Variants in PSMA1 observed in about 807,000 individuals in gnomAD.
The protein encoded by PSMA1 is proteasome 20S subunit alpha 1, also known as proteasome subunit alpha type-1.
In PSMA1, 3 loss-of-function variants were observed where a neutral mutation model predicts 38.4. The ratio of observed to expected loss-of-function variants is 0.08; its 90% CI spans 0.04 to 0.20. The LOEUF is 0.20. PSMA1 is among the 10% of genes least tolerant of loss of function. The probability of loss-of-function intolerance (pLI) is 1.00; values close to 1 mark genes in which losing one functional copy is unlikely to be tolerated. For synonymous variants in PSMA1, 101 were observed against 107.1 expected (o/e 0.94, Z 0.35); for missense variants, 227 against 325.3 (o/e 0.70, Z 2.32).
chr11:14,542,114 A>T (rs928921792), intron 2 of PSMA1, among the ~76,000 whole-genome samples: 4 of 152,254 alleles, frequency 2.6e-5, no homozygotes, highest in Admixed American at 6.5e-5. Flanking sequence ...ACAATTCTAT[A>T]TTAAAAATTC....
intron 9 of PSMA1, among the ~76,000 whole-genome samples, chr11:14,507,160 C>T (rs1269245183): frequency 6.6e-6 from 1 of 151,846 alleles, no homozygotes; most frequent in African/African-American, 2.4e-5. Flanking sequence ...CAACACTTCT[C>T]CCTTTTTGTG....
intron 2 of PSMA1, among the ~76,000 whole-genome samples, chr11:14,607,993 T>A (rs568970757): frequency 1.4e-4 from 21 of 152,130 alleles, no homozygotes; most frequent in African/African-American, 4.3e-4. Context: ...GGATGTAACA[T>A]GTATATAGCC....
intron 2 of PSMA1, among the ~76,000 whole-genome samples, chr11:14,573,016 A>C (rs576612149): frequency 2.0e-5 from 3 of 152,332 alleles, no homozygotes; most frequent in African/African-American, 7.2e-5. Flanking sequence ...AACTGAGGCA[A>C]TAATTAATAG....
chr11:14,545,683 CAGT>C (rs1315004377), intron 2 of PSMA1, among the ~76,000 whole-genome samples: 2 of 152,112 alleles, frequency 1.3e-5, no homozygotes, highest in African/African-American at 2.4e-5. Context: ...TAAGGTATAG[CAGT>C]AGATCTATTA....
At chr11:14,629,303 C>T (rs1852966789) in intron 1 of PSMA1, among the ~76,000 whole-genome samples, 1 of 152,096 alleles carries the variant, frequency 6.6e-6, no homozygotes, top group Admixed American at 6.5e-5. Context: ...GGTTTTAGGT[C>T]TAACGTTTAA....
At chr11:14,562,061 G>A (rs144190321) in intron 2 of PSMA1, among the ~76,000 whole-genome samples, 6 of 152,250 alleles carry the variant, frequency 3.9e-5, no homozygotes, top group Non-Finnish European at 7.4e-5. Context: ...TCAGGAAGCC[G>A]CTTCTACCTT....
At chr11:14,557,074 A>T (rs1851947932) in intron 2 of PSMA1, among the ~76,000 whole-genome samples, 2 of 152,032 alleles carry the variant, frequency 1.3e-5, no homozygotes, top group African/African-American at 4.8e-5. Context: ...GCCTCAAGTG[A>T]TCCTCTTGCC....
At chr11:14,546,257 G>C (rs1426808774) in intron 2 of PSMA1, among the ~76,000 whole-genome samples, 1 of 151,758 alleles carries the variant, frequency 6.6e-6, no homozygotes, top group Non-Finnish European at 1.5e-5. Flanking sequence ...GGTTGCTTAT[G>C]TAGGAGTTTC....
chr11:14,586,688 G>A (rs527919824), intron 2 of PSMA1, among the ~76,000 whole-genome samples: 3 of 152,048 alleles, frequency 2.0e-5, no homozygotes, highest in South Asian at 4.2e-4. Context: ...CCTTTTTTTA[G>A]GAATTGGTAT....
At chr11:14,546,147 TCTC>T (rs1851824203) in intron 2 of PSMA1, among the ~76,000 whole-genome samples, 5 of 147,840 alleles carry the variant, frequency 3.4e-5, no homozygotes, top group African/African-American at 1.2e-4. Context: ...TCTCTCTCTC[TCTC>T]TTTTTTTTTT....
intron 2 of PSMA1, among the ~76,000 whole-genome samples, chr11:14,574,494 T>A (rs1448229950): frequency 6.6e-6 from 1 of 152,212 alleles, no homozygotes; most frequent in Non-Finnish European, 1.5e-5. Flanking sequence ...TCAGAAGACG[T>A]ATGGTGATAT....
intron 1 of PSMA1, among the ~76,000 whole-genome samples, chr11:14,634,453 TG>T (rs1853085869): frequency 6.6e-6 from 1 of 152,074 alleles, no homozygotes; most frequent in South Asian, 2.1e-4. Flanking sequence ...AAAGGGGATA[TG>T]TTTTTTTGAA....
chr11:14,623,778 C>T (rs1442569846), intron 1 of PSMA1, among the ~76,000 whole-genome samples: 1 of 152,150 alleles, frequency 6.6e-6, no homozygotes, highest in Non-Finnish European at 1.5e-5. Flanking sequence ...GGAGCATGGA[C>T]CTCCCATCAC....
chr11:14,641,098 A>G (rs1853193910), intron 1 of PSMA1, among the ~76,000 whole-genome samples: 1 of 152,032 alleles, frequency 6.6e-6, no homozygotes, highest in Non-Finnish European at 1.5e-5. Context: ...TGATGGGTGC[A>G]GCAAACCACC....
Position 14,567,295 on chromosome 11 carries a change from G to A in PSMA1, c.21+43671C>T, listed in dbSNP as rs547972110. 8.5e-5 allele frequency among the ~76,000 whole-genome samples: 13 copies of A among 152,322 alleles called. No individual in the cohort carries two copies. In the South Asian group the frequency reaches 2.7e-3, roughly 32 times the overall value. ...CACCTTCTTTTCTATTTTAGCTAGTGTGAGTAGTTTTTGGTCTATGCTCCC... is the reference window on the plus strand; with the variant it reads ...CACCTTCTTTTCTATTTTAGCTAGTATGAGTAGTTTTTGGTCTATGCTCCC... On this transcript the variant is annotated intron_variant, in intron 2 of 10. Coordinates refer to the PSMA1 transcript ENST00000418988.
intron 2 of PSMA1, among the ~76,000 whole-genome samples, chr11:14,576,820 G>C (rs983322735): frequency 2.0e-4 from 31 of 152,198 alleles, no homozygotes; most frequent in African/African-American, 7.2e-4. Flanking sequence ...TGTGAAGAAA[G>C]TCATTGGTAG....
chr11:14,513,890 T>G lies in PSMA1; in HGVS notation c.344-3A>C, dbSNP rs1177557625. 4.4e-6 allele frequency: 7 copies of G among 1,590,060 alleles called. No homozygotes were observed. Among genetic ancestry groups the G allele is most frequent in the Non-Finnish European group, 6.0e-6 (7 of 1,172,776 alleles). On this transcript the variant is annotated splice_region_variant and splice_polypyrimidine_tract_variant and intron_variant, in intron 5 of 9. Coordinates refer to ENST00000396394, the MANE Select transcript of PSMA1 (RefSeq NM_002786.4). ...TCGTTGTGTTGGTATCTGGGTCTCTTAGACTGGTTAACGAGCTTGTTTTAA... is the reference window on the plus strand; with the variant it reads ...TCGTTGTGTTGGTATCTGGGTCTCTGAGACTGGTTAACGAGCTTGTTTTAA...
intron 2 of PSMA1, among the ~76,000 whole-genome samples, chr11:14,588,945 CT>C (rs1852380625): frequency 6.6e-6 from 1 of 152,176 alleles, no homozygotes; most frequent in Non-Finnish European, 1.5e-5. Context: ...CAGACCTTTG[CT>C]TATCCTTACA....
rs905599100 is a variant in PSMA1 at position 14,546,456 on chromosome 11, C to G, written c.22-27415G>C. Among the ~76,000 whole-genome samples the G allele has an allele frequency of 5.3e-5, 8 of 152,068 alleles. 1 individual carries two copies. The highest frequency in any genetic ancestry group is 4.6e-4 in the Admixed American group (7 of 15,272). On this transcript the variant is annotated intron_variant, in intron 2 of 10. Coordinates refer to the PSMA1 transcript ENST00000418988. ...ATGGAAATGTGGCTTTTTTTCCCCCCAGACAGAGTCTCGCTCTGTTGCCCA... is the reference window on the plus strand; with the variant it reads ...ATGGAAATGTGGCTTTTTTTCCCCCGAGACAGAGTCTCGCTCTGTTGCCCA...
Sources: gnomAD v4.1 joint callset for allele counts (sites outside exome capture counted in the v4.1 genomes callset) on GRCh38, gnomAD v4.1.1 for gene constraint, MANE v1.5 for transcripts, NCBI Gene and HGNC (gene_info 2026-07-23, HGNC 2026-07-21) for gene names.